NEDD4L: variants seen among roughly 807,000 people sequenced by gnomAD.
NEDD4L encodes the protein E3 ubiquitin-protein ligase NEDD4-like.
Under a neutral mutation model 148.9 loss-of-function variants are expected in NEDD4L, and 54 were observed. The observed-to-expected ratio is 0.36, with a 90% CI of 0.29 to 0.45. The LOEUF (loss-of-function observed/expected upper bound fraction) is 0.45, where lower values mean the gene tolerates loss of function less well. NEDD4L is among the 20% of genes least tolerant of loss of function. The pLI, the probability that NEDD4L is intolerant of heterozygous loss-of-function variation, is 1.00. For synonymous variants in NEDD4L, 433 were observed against 440.7 expected (o/e 0.98, Z 0.22); for missense variants, 856 against 1,233.8 (o/e 0.69, Z 4.59).
chr18:58,295,267 A>ATCCC (rs1165620628), intron 5 of NEDD4L, among the ~76,000 whole-genome samples: 2 of 152,232 alleles, frequency 1.3e-5, no homozygotes, highest in African/African-American at 4.8e-5. Context: ...TCATCTGTTC[A>ATCCC]TCCCTACCAT....
intron 5 of NEDD4L, among the ~76,000 whole-genome samples, chr18:58,274,071 T>C (rs2148856505): frequency 6.6e-6 from 1 of 152,266 alleles, no homozygotes; most frequent in Middle Eastern, 3.4e-3. Context: ...AAAGCTTGCT[T>C]TAGGGATCCA....
intron 16 of NEDD4L, among the ~76,000 whole-genome samples, chr18:58,348,691 T>G (rs1451759366): frequency 6.6e-6 from 1 of 152,154 alleles, no homozygotes; most frequent in East Asian, 1.9e-4. Context: ...GGCAACTTCC[T>G]GTTCTCTCTG....
intron 5 of NEDD4L, among the ~76,000 whole-genome samples, chr18:58,273,942 A>C (rs573532111): frequency 4.6e-5 from 7 of 152,130 alleles, no homozygotes; most frequent in African/African-American, 1.7e-4. Context: ...CCACACAGAG[A>C]GTTTATTTCC....
intron 13 of NEDD4L, among the ~76,000 whole-genome samples, chr18:58,339,312 C>G (rs1238795575): frequency 2.0e-5 from 3 of 152,142 alleles, no homozygotes; most frequent in African/African-American, 7.2e-5. Context: ...TACTAATTGA[C>G]CAGGAACTTA....
At chr18:58,306,132 C>T (rs2057030010) in intron 5 of NEDD4L, among the ~76,000 whole-genome samples, 1 of 152,014 alleles carries the variant, frequency 6.6e-6, no homozygotes, top group African/African-American at 2.4e-5. Context: ...TGTTCTCATG[C>T]CAGATCGGTT....
At chr18:58,389,761 A>G (rs957675452) in intron 28 of NEDD4L, among the ~76,000 whole-genome samples, 4 of 151,634 alleles carry the variant, frequency 2.6e-5, no homozygotes, top group African/African-American at 9.7e-5. Context: ...AAAAACAGTT[A>G]TCCCCCAAAA....
chr18:58,393,320 T>C (rs2050070899), intron 30 of NEDD4L, among the ~76,000 whole-genome samples: 1 of 152,162 alleles, frequency 6.6e-6, no homozygotes, highest in Admixed American at 6.5e-5. Context: ...AAGAAATCAC[T>C]GATGCCTGGA....
At chr18:58,139,768 C>G (rs577755676) in intron 1 of NEDD4L, among the ~76,000 whole-genome samples, 1 of 152,274 alleles carries the variant, frequency 6.6e-6, no homozygotes, top group East Asian at 1.9e-4. Flanking sequence ...CTTTGCTAAC[C>G]TCCCAAAGGG....
intron 5 of NEDD4L, among the ~76,000 whole-genome samples, chr18:58,273,699 AC>A (rs1415815014): frequency 6.6e-6 from 1 of 152,230 alleles, no homozygotes; most frequent in Admixed American, 6.5e-5. Context: ...GATTAAGGCA[AC>A]GTGACCATGT....
At chr18:58,174,134 G>T (rs1269209287) in intron 2 of NEDD4L, among the ~76,000 whole-genome samples, 1 of 151,916 alleles carries the variant, frequency 6.6e-6, no homozygotes, top group Non-Finnish European at 1.5e-5. Context: ...GGGTGAGGAG[G>T]GCAGAGTAGA....
chr18:58,225,346 A>G (rs2044237119), intron 2 of NEDD4L, among the ~76,000 whole-genome samples: 1 of 152,222 alleles, frequency 6.6e-6, no homozygotes, highest in South Asian at 2.1e-4. Flanking sequence ...AAACCCCAGA[A>G]ACTCAACAGT....
chr18:58,085,110 C>G (rs2083691061), intron 1 of NEDD4L, among the ~76,000 whole-genome samples: 1 of 152,200 alleles, frequency 6.6e-6, no homozygotes, highest in Admixed American at 6.5e-5. Context: ...TTAATCACTT[C>G]TTTAAAGTCC....
intron 2 of NEDD4L, 79 bp downstream of exon 2, chr18:58,165,940 T>C: frequency 8.5e-7 from 1 of 1,183,342 alleles, no homozygotes. Context: ...CGCATCAGAA[T>C]CACCTGGAGG....
At chr18:58,383,393 A>G in intron 25 of NEDD4L, 74 bp downstream of exon 25, 3 of 825,950 alleles carry the variant, frequency 3.6e-6, no homozygotes, top group East Asian at 5.4e-5. Context: ...CCTTGCTGAA[A>G]CAGCTCATGC....
intron 1 of NEDD4L, among the ~76,000 whole-genome samples, chr18:58,124,661 G>A (rs2030695504): frequency 6.6e-6 from 1 of 152,148 alleles, no homozygotes; most frequent in African/African-American, 2.4e-5. Context: ...TGCTCTTCCT[G>A]CCCAGATCTG....
intron 13 of NEDD4L, among the ~76,000 whole-genome samples, chr18:58,339,449 GAT>G (rs1568758124): frequency 6.6e-6 from 1 of 152,090 alleles, no homozygotes; most frequent in Admixed American, 6.6e-5. Context: ...CTAATTCATC[GAT>G]GTTTAATATT....
intron 1 of NEDD4L, among the ~76,000 whole-genome samples, chr18:58,128,508 C>A (rs1186198184): frequency 6.6e-6 from 1 of 152,120 alleles, no homozygotes; most frequent in Non-Finnish European, 1.5e-5. Context: ...AGTTTTGAGT[C>A]CCAAAACAAC....
At chr18:58,318,213 TATTA>T (rs1210624343) in intron 6 of NEDD4L, among the ~76,000 whole-genome samples, 1 of 152,198 alleles carries the variant, frequency 6.6e-6, no homozygotes, top group African/African-American at 2.4e-5. Flanking sequence ...CAAGGTGGAT[TATTA>T]ACAGTCTGTA....
chr18:58,312,929 C>G (rs1332011429), intron 5 of NEDD4L, among the ~76,000 whole-genome samples: 1 of 152,234 alleles, frequency 6.6e-6, no homozygotes. Flanking sequence ...ATCTGCCCGC[C>G]TCAGCCTTCC....
Sources: gnomAD v4.1 joint callset for allele counts (sites outside exome capture counted in the v4.1 genomes callset) on GRCh38, gnomAD v4.1.1 for gene constraint, MANE v1.5 for transcripts, NCBI Gene and HGNC (gene_info 2026-07-23, HGNC 2026-07-21) for gene names.